The following OIP5 variants were observed in gnomAD, a reference collection of about 807,000 sequenced individuals.
OIP5 encodes the protein Opa interacting protein 5, also known as protein Mis18-beta.
In OIP5, 24 loss-of-function variants were observed where a neutral mutation model predicts 20.3. That is an observed-to-expected ratio of 1.18 (90% CI 0.86 to 1.66). The LOEUF is 1.66. OIP5 is among the 40% of genes most tolerant of loss of function. The pLI is 0.00. For synonymous variants in OIP5, 143 were observed against 121.3 expected, an observed-to-expected ratio of 1.18 and a Z score of -1.17; for missense variants, 339 against 289.5, an observed-to-expected ratio of 1.17 and a Z score of -1.24.
At chr15:41,322,882 C>T (rs1208447284) in intron 2 of OIP5, among the ~76,000 whole-genome samples, 1 of 151,478 alleles carries the variant, frequency 6.6e-6, no homozygotes, top group African/African-American at 2.4e-5. Context: ...TTGCAGTGAG[C>T]GGAGATTGTG....
intron 2 of OIP5, among the ~76,000 whole-genome samples, chr15:41,320,676 C>T (rs1199683694): frequency 5.3e-5 from 8 of 152,244 alleles, no homozygotes; most frequent in South Asian, 2.1e-4. Context: ...CCCAAAGTGC[C>T]GAGATTACAG....
intron 3 of OIP5, among the ~76,000 whole-genome samples, chr15:41,316,651 G>A (rs894935261): frequency 6.6e-6 from 1 of 151,554 alleles, no homozygotes; most frequent in East Asian, 1.9e-4. Flanking sequence ...TTAGCCAAGC[G>A]TGGTGGTGGG....
At chr15:41,313,867 G>A (rs2047774041) in intron 3 of OIP5, among the ~76,000 whole-genome samples, 1 of 152,076 alleles carries the variant, frequency 6.6e-6, no homozygotes, top group Admixed American at 6.6e-5. Flanking sequence ...ACTGAAGGAT[G>A]ACTGCATTTT....
intron 4 of OIP5, 89 bp from the exon 5 acceptor site, chr15:41,309,938 G>A (rs2047744597): frequency 2.5e-6 from 2 of 797,922 alleles, no homozygotes. Flanking sequence ...GCCTGAGCTG[G>A]AGTACAGTGG....
intron 2 of OIP5, among the ~76,000 whole-genome samples, chr15:41,325,849 C>CAAA (rs35329564): frequency 1.7e-4 from 17 of 98,810 alleles, no homozygotes; most frequent in Admixed American, 4.7e-4. Context: ...GACTCCGTCT[C>CAAA]AAAAAAAAAA....
At chr15:41,332,086 C>G in intron 1 of OIP5, 105 bp from the exon 2 acceptor site, 1 of 1,346,158 alleles carries the variant, frequency 7.4e-7, no homozygotes, top group Non-Finnish European at 1.1e-6. Context: ...GGAGACTCCC[C>G]GATTCCCTGC....
intron 2 of OIP5, among the ~76,000 whole-genome samples, chr15:41,331,188 G>A (rs2047904622): frequency 6.6e-6 from 1 of 152,134 alleles, no homozygotes; most frequent in Admixed American, 6.6e-5. Context: ...CAAAATTGAG[G>A]AGCCTTGCAA....
At chr15:41,331,551 C>T (rs1361186931) in intron 2 of OIP5, among the ~76,000 whole-genome samples, 1 of 152,172 alleles carries the variant, frequency 6.6e-6, no homozygotes, top group Non-Finnish European at 1.5e-5. Flanking sequence ...CACCAGTGCA[C>T]TCCAGCCTGG....
At chr15:41,318,954 T>C (rs897335526) in intron 3 of OIP5, among the ~76,000 whole-genome samples, 2 of 151,858 alleles carry the variant, frequency 1.3e-5, no homozygotes, top group Non-Finnish European at 2.9e-5. Flanking sequence ...CCTCCCACCT[T>C]GGCCTCACAA....
At position 41,313,277 on chromosome 15, in the gene OIP5, G is replaced by A. The variant is rs2047770306; in HGVS notation, c.590C>T (p.Ala197Val). 1.3e-6 allele frequency: 2 copies of A among 1,586,064 alleles called. No individual in the cohort carries two copies. Among genetic ancestry groups the A allele is most frequent in the Non-Finnish European group, 1.7e-6 (2 of 1,159,232 alleles). Residue 197 changes from alanine to valine, a missense_variant, in exon 4 of 5, where the codon GCA becomes GTA. Transcript: ENST00000220514. ...IQNVPLSEKI[A>V]ELKEKIVLTH... The stretch of plus-strand genomic sequence containing the variant: ...ACAACCATCATGAAATTTTACCTCT[G>A]CAATCTTTTCTGATAGAGGAACATT...
At chr15:41,322,803 C>T (rs899526357) in intron 2 of OIP5, among the ~76,000 whole-genome samples, 3 of 152,004 alleles carry the variant, frequency 2.0e-5, no homozygotes. Context: ...GGCCTGGTGG[C>T]GGGTGCCTGT....
chr15:41,325,203 G>T (rs1175359999), intron 2 of OIP5, among the ~76,000 whole-genome samples: 1 of 151,924 alleles, frequency 6.6e-6, no homozygotes, highest in East Asian at 1.9e-4. Context: ...AGGAGATCAA[G>T]ACCATCCTGG....
At chr15:41,326,441 T>C (rs1216351574) in intron 2 of OIP5, among the ~76,000 whole-genome samples, 1 of 152,194 alleles carries the variant, frequency 6.6e-6, no homozygotes, top group Non-Finnish European at 1.5e-5. Context: ...TTGTGATTTT[T>C]TGAGATGGAG....
At chr15:41,327,719 C>T (rs974542951) in intron 2 of OIP5, among the ~76,000 whole-genome samples, 3 of 151,944 alleles carry the variant, frequency 2.0e-5, no homozygotes, top group Non-Finnish European at 4.4e-5. Context: ...ACCCGGGAGG[C>T]GGAGTTTGCA....
chr15:41,316,623 T>C (rs2047790027), intron 3 of OIP5, among the ~76,000 whole-genome samples: 1 of 151,878 alleles, frequency 6.6e-6, no homozygotes, highest in Non-Finnish European at 1.5e-5. Context: ...ACCCCGTCTC[T>C]ACTAAAAATA....
In OIP5 at chr15:41,309,779, G is replaced by T. The variant is rs1567023136; in HGVS notation, c.665C>A (p.Pro222His). The T allele has an allele frequency of 6.2e-7, 1 of 1,613,856 alleles. No homozygotes were observed. The highest frequency in any genetic ancestry group is 8.5e-7 in the Non-Finnish European group (1 of 1,179,750). The stretch of plus-strand genomic sequence containing the variant: ...TCAGTTTTCTGGCTTGGACTGGTCA[G>T]GAGTCACTTCACTCAGAATCTTCAT... Reference protein sequence around the residue: ...SLMKILSEVTPDQSKPEN With the variant: ...SLMKILSEVTHDQSKPEN The change falls in exon 5 of 5, where the codon CCT becomes CAT. Residue 222 changes from proline (P) to histidine (H), a missense_variant. Transcript: ENST00000220514.
intron 2 of OIP5, among the ~76,000 whole-genome samples, chr15:41,328,677 G>A (rs1336163134): frequency 6.6e-6 from 1 of 152,136 alleles, no homozygotes; most frequent in Non-Finnish European, 1.5e-5. Flanking sequence ...ATTGTAGAAT[G>A]TTTAAATAAA....
chr15:41,318,055 G>A (rs1032959962), intron 3 of OIP5, among the ~76,000 whole-genome samples: 1 of 152,090 alleles, frequency 6.6e-6, no homozygotes, highest in Non-Finnish European at 1.5e-5. Flanking sequence ...AAATATACAA[G>A]GCCCCACCTA....
intron 3 of OIP5, among the ~76,000 whole-genome samples, chr15:41,317,572 G>A (rs1234907826): frequency 2.0e-5 from 3 of 151,822 alleles, no homozygotes; most frequent in South Asian, 2.1e-4. Context: ...TAGTAGAGAC[G>A]GGGTTTCCCA....
Sources: gnomAD v4.1 joint callset for allele counts (sites outside exome capture counted in the v4.1 genomes callset) on GRCh38, gnomAD v4.1.1 for gene constraint, MANE v1.5 for transcripts, NCBI Gene and HGNC (gene_info 2026-07-23, HGNC 2026-07-21) for gene names.